GLB1: variants seen among roughly 807,000 people sequenced by gnomAD.
The protein encoded by GLB1 is galactosidase beta 1.
A neutral mutation model predicts 74.0 loss-of-function variants in GLB1; 56 were observed. That is an observed-to-expected ratio of 0.76 (90% confidence interval 0.61 to 0.94). The LOEUF (loss-of-function observed/expected upper bound fraction) is 0.94, where lower values mean the gene tolerates loss of function less well. Ranked by LOEUF, GLB1 falls within the 40% of genes least tolerant of loss-of-function variation. GLB1 has a pLI of 0.00. For synonymous variants in GLB1, 323 were observed against 323.6 expected, an observed-to-expected ratio of 1.00 and a Z score of 0.02; for missense variants, 787 against 845.5, an observed-to-expected ratio of 0.93 and a Z score of 0.86.
intron 10 of GLB1, among the ~76,000 whole-genome samples, chr3:33,035,156 G>A (rs1175150686): frequency 6.6e-6 from 1 of 152,126 alleles, no homozygotes; most frequent in African/African-American, 2.4e-5. Flanking sequence ...TGTAGGCTGG[G>A]CGCAGTTGCC....
intron 15 of GLB1, among the ~76,000 whole-genome samples, chr3:33,010,885 C>T (rs777730661): frequency 1.3e-5 from 2 of 152,144 alleles, no homozygotes; most frequent in Non-Finnish European, 2.9e-5. Flanking sequence ...GAGACACAGT[C>T]TTGCTTTGTC....
chr3:33,052,138 GC>G, intron 7 of GLB1, 134 bp from the exon 8 acceptor site: 7 of 1,465,470 alleles, frequency 4.8e-6, no homozygotes, highest in South Asian at 2.5e-5. Context: ...ACCCAGAGAC[GC>G]CCCCCAGTGA....
chr3:33,080,690 G>A (rs913700351), intron 1 of GLB1, among the ~76,000 whole-genome samples: 2 of 152,142 alleles, frequency 1.3e-5, no homozygotes, highest in Admixed American at 6.5e-5. Flanking sequence ...ATCATGTCCC[G>A]GTTCCCAGAG....
In GLB1 at chr3:33,049,440, A is replaced by C. The variant is rs60630796; in HGVS notation, c.955+2318T>G. Among the ~76,000 whole-genome samples the C allele has an allele frequency of 0.022, 3,425 of 152,256 alleles. 513 individuals are homozygous for C. In the East Asian group the frequency reaches 0.4, roughly 18 times the overall value. ...ATTTATTTTATTTTATTTTTGAGAC[A>C]AAGTCTCACCCTGTCACCCAGGCTG... On this transcript the variant is annotated intron_variant, in intron 9 of 15. Coordinates refer to ENST00000307363, the MANE Select transcript of GLB1 (RefSeq NM_000404.4).
At chr3:33,094,329 T>C (rs1470646033) in intron 1 of GLB1, 4 of 1,461,304 alleles carry the variant, frequency 2.7e-6, no homozygotes, top group Non-Finnish European at 3.6e-6. Flanking sequence ...AGCATCAGCT[T>C]TGTGGGATAT....
chr3:33,096,745 G>C (rs1701047543), intron 1 of GLB1: 1 of 1,304,610 alleles, frequency 7.7e-7, no homozygotes, highest in East Asian at 3.4e-5. Flanking sequence ...GTTACAGATG[G>C]GGAAGTGGAT....
chr3:33,013,259 C>T lies in GLB1; in HGVS notation c.1734+797G>A, dbSNP rs144573621. ...CTTAGGGAAGGCTTCCCTGACCTCC[C>T]TGACAAGGCAAAATGCACCAATTAT... On this transcript the variant is annotated intron_variant, in intron 15 of 15. Transcript: ENST00000307363. 1.4e-3 allele frequency among the ~76,000 whole-genome samples: 208 copies of T among 152,350 alleles called. 1 individual carries two copies. The highest frequency in any genetic ancestry group is 4.9e-3 in the African/African-American group (203 of 41,584).
At chr3:33,075,613 C>T (rs745637771) in intron 1 of GLB1, among the ~76,000 whole-genome samples, 4 of 152,030 alleles carry the variant, frequency 2.6e-5, no homozygotes, top group South Asian at 2.1e-4. Flanking sequence ...GAGGTCGAGG[C>T]GGTAAAGTAA....
chr3:32,991,965 C>A (rs1049352350), downstream of GLB1, among the ~76,000 whole-genome samples: 28 of 152,258 alleles, frequency 1.8e-4, no homozygotes, highest in African/African-American at 6.8e-4. Flanking sequence ...GACAACAGCA[C>A]ACATTGCAAC....
chr3:32,996,039 C>T (rs1489229997), downstream of GLB1, among the ~76,000 whole-genome samples: 1 of 152,112 alleles, frequency 6.6e-6, no homozygotes, highest in African/African-American at 2.4e-5. Flanking sequence ...GACACTAGAG[C>T]CAGACTACCT....
At chr3:33,058,341 G>A (rs1247819579) in intron 5 of GLB1, 72 bp from the exon 6 acceptor site, 2 of 1,595,444 alleles carry the variant, frequency 1.3e-6, no homozygotes, top group Non-Finnish European at 1.7e-6. Flanking sequence ...GCTTTTGTGT[G>A]GGAAAATATC....
At chr3:33,018,600 G>T (rs1358538481) in intron 12 of GLB1, 39 bp from the exon 13 acceptor site, 3 of 1,603,494 alleles carry the variant, frequency 1.9e-6, no homozygotes, top group South Asian at 1.1e-5. Context: ...CATCACTATT[G>T]CCATTCATTT....
At chr3:33,072,509 A>G (rs1450478767) in intron 2 of GLB1, 35 bp downstream of exon 2, 1 of 1,612,058 alleles carries the variant, frequency 6.2e-7, no homozygotes, top group African/African-American at 1.3e-5. Flanking sequence ...GTGGGTGTTC[A>G]GGCCTAGGTG....
chr3:33,042,370 C>CTTTTTT lies in GLB1; in HGVS notation c.1068+3744_1068+3749dup, dbSNP rs66685286. ...TATATCCCTGACCCCTCATCTCCTC[C>CTTTTTT]TTTTTTTTTTTTTTTTTTTCCAAGT... On this transcript the variant is annotated intron_variant, in intron 10 of 15. Coordinates refer to ENST00000307363, the MANE Select transcript of GLB1 (RefSeq NM_000404.4). 7.7e-3 allele frequency among the ~76,000 whole-genome samples: 768 copies of CTTTTTT among 99,190 alleles called. 66 individuals carry two copies. The highest frequency in any genetic ancestry group is 0.022 in the African/African-American group (590 of 26,988). 65.1% of individuals were successfully genotyped at this position (99,190 alleles called of 152,430 possible). A position where few individuals can be genotyped will look rare whatever the true frequency, so the allele number is the denominator to read the frequency against.
At chr3:33,051,726 A>G (rs753081171) in intron 9 of GLB1, 32 bp downstream of exon 9, 4 of 1,614,014 alleles carry the variant, frequency 2.5e-6, no homozygotes, top group South Asian at 2.2e-5. Flanking sequence ...ACATTCTAGC[A>G]TAAGTTTCTA....
chr3:33,046,075 G>A (rs775294239), intron 10 of GLB1, 45 bp downstream of exon 10: 1 of 1,601,028 alleles, frequency 6.2e-7, no homozygotes, highest in Non-Finnish European at 8.5e-7. Context: ...TTCAAAAGAG[G>A]CTCTGTCCAA....
chr3:33,027,866 T>C (rs1352398361), intron 10 of GLB1, among the ~76,000 whole-genome samples: 1 of 152,096 alleles, frequency 6.6e-6, no homozygotes, highest in Non-Finnish European at 1.5e-5. Context: ...CTGCCTCACT[T>C]TTCTCTTAGT....
At position 33,043,166 on chromosome 3, in the gene GLB1, C is replaced by T. The variant is rs956789753; in HGVS notation, c.1068+2954G>A. ...AGTAAAGATATTGATTAATTTTAAA[C>T]TATTACAAGACAGCCAGACACAGGA... On this transcript the variant is annotated intron_variant, in intron 10 of 15. Coordinates refer to ENST00000307363, the MANE Select transcript of GLB1 (RefSeq NM_000404.4). Among the ~76,000 whole-genome samples, 3 of 152,134 alleles carry T rather than the reference C, an allele frequency of 2.0e-5. No homozygotes were observed. In the South Asian group the frequency reaches 6.2e-4, roughly 32 times the overall value.
At chr3:33,023,584 C>T (rs1697598211) in intron 11 of GLB1, among the ~76,000 whole-genome samples, 1 of 150,364 alleles carries the variant, frequency 6.7e-6, no homozygotes, top group South Asian at 2.1e-4. Context: ...TGAGTTAATA[C>T]ATGTAGGAGT....
Sources: gnomAD v4.1 joint callset for allele counts (sites outside exome capture counted in the v4.1 genomes callset) on GRCh38, gnomAD v4.1.1 for gene constraint, MANE v1.5 for transcripts, NCBI Gene and HGNC (gene_info 2026-07-23, HGNC 2026-07-21) for gene names.